CDIN1: variants seen among roughly 807,000 people sequenced by gnomAD.
CDIN1 encodes the protein CDAN1-interacting nuclease 1.
Under a neutral mutation model 45.3 loss-of-function variants are expected in CDIN1, and 33 were observed. That is an observed-to-expected ratio of 0.73 (90% CI 0.55 to 0.97). The LOEUF is 0.97. CDIN1 is among the 50% of genes least tolerant of loss of function. CDIN1 has a pLI of 0.00. For missense variants in CDIN1, 303 were observed against 339.4 expected (o/e 0.89, Z 0.84); for synonymous variants, 118 against 124.4 (o/e 0.95, Z 0.34).
At chr15:36,590,678 C>T (rs1399054818) in intron 1 of CDIN1, among the ~76,000 whole-genome samples, 1 of 152,164 alleles carries the variant, frequency 6.6e-6, no homozygotes, top group Non-Finnish European at 1.5e-5. Context: ...TAGTTAAGGC[C>T]TGTCATTTGT....
intron 5 of CDIN1, among the ~76,000 whole-genome samples, chr15:36,664,623 T>C (rs1595441682): frequency 6.6e-6 from 1 of 152,252 alleles, no homozygotes; most frequent in African/African-American, 2.4e-5. Flanking sequence ...CTCAGCTCAC[T>C]GCAAGCTCTG....
intron 1 of CDIN1, chr15:36,613,760 C>T (rs2048027328): frequency 1.6e-5 from 26 of 1,599,854 alleles, no homozygotes; most frequent in South Asian, 5.5e-5. Context: ...TTTTGAAAAC[C>T]GGGCCTTAAA....
At chr15:36,795,973 C>T (rs547397575) in intron 10 of CDIN1, among the ~76,000 whole-genome samples, 1 of 152,268 alleles carries the variant, frequency 6.6e-6, no homozygotes, top group Non-Finnish European at 1.5e-5. Flanking sequence ...ATTTTCTGAC[C>T]TAGTTTACTC....
intron 1 of CDIN1, among the ~76,000 whole-genome samples, chr15:36,595,821 A>G (rs1000749412): frequency 3.3e-5 from 5 of 152,216 alleles, no homozygotes; most frequent in African/African-American, 1.2e-4. Flanking sequence ...TAGAGCTTAC[A>G]CACAAGGGAA....
intron 10 of CDIN1, among the ~76,000 whole-genome samples, chr15:36,762,751 T>G (rs2053806219): frequency 6.6e-6 from 1 of 152,164 alleles, no homozygotes; most frequent in Admixed American, 6.5e-5. Flanking sequence ...TGTTTGGATA[T>G]TTGTCCCTGC....
At chr15:36,794,249 C>T (rs571726781) in intron 10 of CDIN1, among the ~76,000 whole-genome samples, 11 of 151,868 alleles carry the variant, frequency 7.2e-5, no homozygotes, top group South Asian at 2.1e-4. Flanking sequence ...TTAGTAGAGA[C>T]GGGTTTCACT....
intron 1 of CDIN1, among the ~76,000 whole-genome samples, chr15:36,597,854 G>T (rs1409959836): frequency 6.6e-6 from 1 of 152,052 alleles, no homozygotes; most frequent in Admixed American, 6.6e-5. Flanking sequence ...CTTGCTTCTG[G>T]ATTGTAGTAT....
At chr15:36,658,648 T>A (rs1270478158) in intron 5 of CDIN1, among the ~76,000 whole-genome samples, 1 of 152,208 alleles carries the variant, frequency 6.6e-6, no homozygotes, top group Non-Finnish European at 1.5e-5. Context: ...TTACCTAGTA[T>A]AATGTTTACC....
Position 36,660,324 on chromosome 15 carries a change from A to G in CDIN1, c.346+2419A>G, listed in dbSNP as rs908938706. ...ATCACCTCAGCTTTAATGAGCTGCA[A>G]GTCTCAGTCTTGGCTTGTATTTTTA... On this transcript the variant is annotated intron_variant, in intron 5 of 10. Transcript: ENST00000566621. 3.3e-5 allele frequency among the ~76,000 whole-genome samples: 5 copies of G among 152,132 alleles called. No individual in the cohort carries two copies. In the East Asian group the frequency reaches 9.6e-4, roughly 29 times the overall value.
At chr15:36,641,753 A>G (rs1004131981) in intron 1 of CDIN1, 4 of 152,122 alleles carry the variant, frequency 2.6e-5, no homozygotes, top group African/African-American at 9.7e-5. Context: ...TTGTGTGCGT[A>G]CTTGAAAGTT....
intron 10 of CDIN1, among the ~76,000 whole-genome samples, chr15:36,791,419 G>A (rs12916486): frequency 0.86 from 130,774 of 152,134 alleles, 59,732 homozygotes; most frequent in Non-Finnish European, 1. Flanking sequence ...TAATTGTAAC[G>A]TCTTTAAACT....
chr15:36,642,473 C>G (rs1474109425), intron 1 of CDIN1, among the ~76,000 whole-genome samples: 3 of 152,334 alleles, frequency 2.0e-5, no homozygotes, highest in Non-Finnish European at 4.4e-5. Context: ...AAAAATCACT[C>G]TAACCCTCTC....
intron 1 of CDIN1, among the ~76,000 whole-genome samples, chr15:36,626,016 T>C (rs1342390221): frequency 6.6e-6 from 1 of 152,042 alleles, no homozygotes; most frequent in Non-Finnish European, 1.5e-5. Flanking sequence ...GTTTATATGT[T>C]CTTAGAGATT....
At chr15:36,670,284 T>C (rs1471114518) in intron 5 of CDIN1, among the ~76,000 whole-genome samples, 5 of 152,126 alleles carry the variant, frequency 3.3e-5, no homozygotes, top group African/African-American at 4.8e-5. Context: ...TATCCTTGTC[T>C]GCTATTCATT....
intron 10 of CDIN1, chr15:36,747,202 T>C (rs1330309339): frequency 2.6e-6 from 1 of 384,158 alleles, no homozygotes; most frequent in Non-Finnish European, 4.6e-6. Context: ...AAAATGTTTG[T>C]TATATTATCT....
intron 10 of CDIN1, among the ~76,000 whole-genome samples, chr15:36,795,855 T>G (rs72708642): frequency 0.061 from 9,323 of 152,102 alleles, 376 homozygotes; most frequent in Middle Eastern, 0.11. Context: ...GGAATGAACC[T>G]CTGCACCTGA....
chr15:36,593,247 T>A lies in CDIN1; in HGVS notation c.101+13286T>A, dbSNP rs6495855. On this transcript the variant is annotated intron_variant, in intron 1 of 10. Transcript: ENST00000566621. ...AAAATATTTTGCCTAAAACCACCCC[T>A]TTCCAAGTATTTTCTTGTCTACTTT... 5.5e-3 allele frequency among the ~76,000 whole-genome samples: 836 copies of A among 152,228 alleles called. 15 individuals are homozygous for A. Among genetic ancestry groups the A allele is most frequent in the African/African-American group, 0.019 (784 of 41,524 alleles).
At chr15:36,592,573 A>C (rs1046792362) in intron 1 of CDIN1, among the ~76,000 whole-genome samples, 8 of 152,152 alleles carry the variant, frequency 5.3e-5, no homozygotes, top group African/African-American at 1.9e-4. Context: ...TAACTCGTTC[A>C]TTCTTATAAG....
intron 10 of CDIN1, among the ~76,000 whole-genome samples, chr15:36,727,209 A>C (rs763981757): frequency 1.1e-4 from 16 of 152,128 alleles, no homozygotes; most frequent in Non-Finnish European, 2.1e-4. Context: ...TACATTTTGC[A>C]AATTAAGGGT....
Sources: allele counts gnomAD v4.1 joint callset (sites outside exome capture counted in the v4.1 genomes callset), GRCh38; gene constraint gnomAD v4.1.1; transcripts MANE v1.5; gene names NCBI Gene and HGNC (gene_info 2026-07-23, HGNC 2026-07-21).